PAPPA2: variants seen among roughly 807,000 people sequenced by gnomAD.
PAPPA2 encodes pappalysin-2.
In PAPPA2, 86 loss-of-function variants were observed where a neutral mutation model predicts 176.4. That is an observed-to-expected ratio of 0.49 (90% CI 0.41 to 0.58). The LOEUF is 0.58. Among genes scored for constraint, PAPPA2 ranks in the 20% least tolerant of loss-of-function variants. PAPPA2 has a pLI of 0.00. For synonymous variants in PAPPA2, 809 were observed against 852.2 expected, an observed-to-expected ratio of 0.95 and a Z score of 0.88; for missense variants, 2,073 against 2,256.9, an observed-to-expected ratio of 0.92 and a Z score of 1.65.
At chr1:176,778,050 A>T (rs2102921510) in intron 17 of PAPPA2, among the ~76,000 whole-genome samples, 1 of 130,942 alleles carries the variant, frequency 7.6e-6, no homozygotes, top group African/African-American at 3.9e-5. Flanking sequence ...AAACAAATTA[A>T]AAAAAAAAAA....
intron 3 of PAPPA2, among the ~76,000 whole-genome samples, chr1:176,645,714 A>G (rs1013022300): frequency 2.6e-5 from 4 of 151,678 alleles, no homozygotes; most frequent in Non-Finnish European, 5.9e-5. Flanking sequence ...CCAACACTAT[A>G]TGAAGGTATC....
chr1:176,557,379 G>A (rs904541834), intron 2 of PAPPA2, 138 bp downstream of exon 2: 1 of 981,822 alleles, frequency 1.0e-6, no homozygotes, highest in Non-Finnish European at 1.5e-6. Flanking sequence ...AGAGGGGGAA[G>A]GGCCTTTATT....
At chr1:176,797,178 GAGGA>G (rs1571342223) in intron 20 of PAPPA2, among the ~76,000 whole-genome samples, 3 of 152,182 alleles carry the variant, frequency 2.0e-5, no homozygotes, top group Admixed American at 1.3e-4. Context: ...TACCAATAGG[GAGGA>G]AGGAAGTATA....
chr1:176,844,004 T>C lies in PAPPA2; in HGVS notation c.*1550T>C, dbSNP rs2102996285. 6.6e-6 allele frequency: 1 copy of C among 152,310 alleles called. No individual in the cohort carries two copies. The highest frequency in any genetic ancestry group is 3.4e-3 in the Middle Eastern group (1 of 294). The allele number at this position is 152,310 out of a possible 1,614,324, so 9.4% of individuals were successfully genotyped here. A position where few individuals can be genotyped will look rare whatever the true frequency, so the allele number is the denominator to read the frequency against. The stretch of plus-strand genomic sequence containing the variant: ...TCCAATAGATGGAATGCACATGAAA[T>C]GACCATATTAAGCCTCTCTCTATTT... On this transcript the variant is annotated 3_prime_UTR_variant, in exon 23 of 23. Transcript: ENST00000367662.
At chr1:176,831,087 T>TTTTG (rs961888949) in intron 21 of PAPPA2, among the ~76,000 whole-genome samples, 1 of 152,046 alleles carries the variant, frequency 6.6e-6, no homozygotes, top group Non-Finnish European at 1.5e-5. Flanking sequence ...TTTTTTCGGT[T>TTTTG]TTTGTTTGTT....
At chr1:176,545,343 C>A (rs1170118872) in intron 1 of PAPPA2, among the ~76,000 whole-genome samples, 1 of 151,886 alleles carries the variant, frequency 6.6e-6, no homozygotes, top group Non-Finnish European at 1.5e-5. Flanking sequence ...GTACCTGGGA[C>A]AAAGACCAAA....
chr1:176,579,156 C>A (rs1202808992), intron 2 of PAPPA2, among the ~76,000 whole-genome samples: 2 of 152,078 alleles, frequency 1.3e-5, no homozygotes, highest in Non-Finnish European at 2.9e-5. Context: ...AAAGGGTGAG[C>A]AATCAGAGCA....
intron 22 of PAPPA2, among the ~76,000 whole-genome samples, chr1:176,841,226 G>A (rs908495369): frequency 6.6e-6 from 1 of 152,016 alleles, no homozygotes; most frequent in South Asian, 2.1e-4. Flanking sequence ...TCTCTGTGTA[G>A]GAAGACAAGA....
chr1:176,719,727 A>G (rs1661536347), intron 12 of PAPPA2, among the ~76,000 whole-genome samples: 1 of 152,042 alleles, frequency 6.6e-6, no homozygotes, highest in Non-Finnish European at 1.5e-5. Context: ...TTATAACTCC[A>G]TTTATCTTTG....
chr1:176,476,568 C>T (rs1441597540), intron 1 of PAPPA2, among the ~76,000 whole-genome samples: 1 of 152,206 alleles, frequency 6.6e-6, no homozygotes, highest in African/African-American at 2.4e-5. Flanking sequence ...TCTGGCACGC[C>T]TGCCTAGACT....
intron 3 of PAPPA2, among the ~76,000 whole-genome samples, chr1:176,644,288 T>C (rs1456665681): frequency 1.3e-5 from 2 of 151,746 alleles, no homozygotes; most frequent in Non-Finnish European, 2.9e-5. Context: ...TCTGGGGAAG[T>C]CGTGAGCACC....
At chr1:176,524,769 A>T (rs1225726890) in intron 1 of PAPPA2, among the ~76,000 whole-genome samples, 1 of 152,152 alleles carries the variant, frequency 6.6e-6, no homozygotes, top group East Asian at 1.9e-4. Flanking sequence ...TACGCCTGTA[A>T]TCCCAGCACT....
At chr1:176,597,713 T>A (rs1055889950) in intron 3 of PAPPA2, among the ~76,000 whole-genome samples, 1 of 152,156 alleles carries the variant, frequency 6.6e-6, no homozygotes, top group South Asian at 2.1e-4. Context: ...GAAAATTGTG[T>A]TTGGATTTGG....
intron 21 of PAPPA2, among the ~76,000 whole-genome samples, chr1:176,803,985 G>A (rs1665791537): frequency 6.6e-6 from 1 of 152,094 alleles, no homozygotes; most frequent in African/African-American, 2.4e-5. Context: ...GGGTGACACT[G>A]GGCAAGTTGT....
At chr1:176,750,651 C>T (rs1022863856) in intron 14 of PAPPA2, among the ~76,000 whole-genome samples, 24 of 151,952 alleles carry the variant, frequency 1.6e-4, no homozygotes, top group Non-Finnish European at 2.2e-4. Context: ...CAACAACAAA[C>T]AATTAGCACG....
intron 21 of PAPPA2, among the ~76,000 whole-genome samples, chr1:176,806,063 T>C (rs1220820191): frequency 6.6e-6 from 1 of 151,446 alleles, no homozygotes; most frequent in Non-Finnish European, 1.5e-5. Flanking sequence ...CTTTTTATTA[T>C]ACACTGCAAG....
chr1:176,594,632 G>A lies in PAPPA2; in HGVS notation c.1028G>A (p.Cys343Tyr). 6.2e-7 allele frequency: 1 copy of A among 1,614,202 alleles called. No homozygotes were observed. Among genetic ancestry groups the A allele is most frequent in the Non-Finnish European group, 8.5e-7 (1 of 1,180,034 alleles). The change falls in exon 3 of 23, where the codon TGC (cysteine) becomes TAC (tyrosine). Residue 343 changes from cysteine (C) to tyrosine (Y), a missense_variant. Around this residue, in one of 4 missense-constraint regions of PAPPA2, gnomAD observed 1,196 missense variants for 1,330.4 expected, o/e 0.90. Coordinates refer to ENST00000367662, the MANE Select transcript of PAPPA2 (RefSeq NM_020318.3). ...GATGCTCGCTTCTTCTTCTCCCTCT[G>A]CACCGACCGCGTGAAGAAAGCCACC... ...KRDARFFFSLCTDRVKKATIL... is the reference protein window; with the variant it reads ...KRDARFFFSLYTDRVKKATIL...
rs550230760 is a variant in PAPPA2, at chr1:176,483,760, C to T, written c.-917+20342C>T. Among the ~76,000 whole-genome samples, 3 of 152,198 alleles carry T rather than the reference C, an allele frequency of 2.0e-5. No homozygotes were observed. In the South Asian group the frequency reaches 6.2e-4, roughly 32 times the overall value. ...CTGGGATTACAGGCATGAGCCACCA[C>T]ACCCAGCCTCAGACATCTTTTAATG... On this transcript the variant is annotated intron_variant, in intron 1 of 22. Coordinates refer to ENST00000367662, the MANE Select transcript of PAPPA2 (RefSeq NM_020318.3).
intron 21 of PAPPA2, among the ~76,000 whole-genome samples, chr1:176,826,689 A>G (rs1463409327): frequency 2.6e-5 from 4 of 152,256 alleles, no homozygotes; most frequent in South Asian, 4.1e-4. Context: ...TGGAATAAAC[A>G]TGATACCTCC....
Sources: allele counts gnomAD v4.1 joint callset (sites outside exome capture counted in the v4.1 genomes callset), GRCh38; gene constraint gnomAD v4.1.1; regional missense constraint gnomAD v4.1.1; transcripts MANE v1.5; gene names NCBI Gene and HGNC (gene_info 2026-07-23, HGNC 2026-07-21).